Variants in ELOVL4 observed in about 807,000 individuals in gnomAD.
ELOVL4 encodes ELOVL fatty acid elongase 4, also known as very long chain fatty acid elongase 4.
A neutral mutation model predicts 42.1 loss-of-function variants in ELOVL4; 18 were observed. That is an observed-to-expected ratio of 0.43 (90% CI 0.30 to 0.63). ELOVL4 has a LOEUF of 0.63. Among genes scored for constraint, ELOVL4 ranks in the 30% least tolerant of loss-of-function variants. The pLI is 0.15. For missense variants in ELOVL4, 299 were observed against 376.2 expected (o/e 0.79, Z 1.70); for synonymous variants, 117 against 127.0 (o/e 0.92, Z 0.53).
Position 79,947,504 on chromosome 6 carries a change from A to T in ELOVL4, c.-225T>A. On this transcript the variant is annotated 5_prime_UTR_variant, in exon 1 of 6. Transcript: ENST00000369816. ...CGTCAAGGTTCCCGGGAGAAAGACG[A>T]GGAGGTGGAGGAGGCCCAGCCGCCA... 1.8e-6 allele frequency: 1 copy of T among 562,538 alleles called. No individual in the cohort carries two copies. Among genetic ancestry groups the T allele is most frequent in the Admixed American group, 2.9e-5 (1 of 33,952 alleles). The allele number at this position is 562,538 out of a possible 1,614,324, so 34.8% of individuals were successfully genotyped here. A position where few individuals can be genotyped will look rare whatever the true frequency, so the allele number is the denominator to read the frequency against.
rs978619635 is a variant in ELOVL4, at chr6:79,916,751, G to T, written c.802C>A (p.Arg268=). 3.7e-5 allele frequency: 59 copies of T among 1,613,916 alleles called. No homozygotes were observed. The highest frequency in any genetic ancestry group is 4.9e-5 in the Non-Finnish European group (58 of 1,180,022). ...FIFLFLNFYI[R]TYKEPKKPKA... ...GGTTTCTTAGGCTCTTTGTATGTCC[G>T]AATGTAGAAGTTAAGAAAGAGAAAT... Residue 268 remains arginine, a synonymous_variant, in exon 6 of 6, where the codon CGG becomes AGG. Transcript: ENST00000369816.
At chr6:79,930,662 A>G (rs1774428168) in intron 1 of ELOVL4, among the ~76,000 whole-genome samples, 1 of 152,178 alleles carries the variant, frequency 6.6e-6, no homozygotes, top group East Asian at 1.9e-4. Flanking sequence ...TTTTAAACCA[A>G]AAAAAGGTTG....
chr6:79,923,053 G>GA (rs1169187817), intron 3 of ELOVL4, among the ~76,000 whole-genome samples: 2 of 152,012 alleles, frequency 1.3e-5, no homozygotes, highest in Non-Finnish European at 2.9e-5. Context: ...TAACTAGAAG[G>GA]AAAGATACAA....
chr6:79,934,927 G>A (rs1428978869), intron 1 of ELOVL4, among the ~76,000 whole-genome samples: 3 of 152,010 alleles, frequency 2.0e-5, no homozygotes, highest in African/African-American at 7.2e-5. Context: ...AAACTTAGAA[G>A]AGTTTACACT....
chr6:79,942,073 G>A (rs1774656625), intron 1 of ELOVL4, among the ~76,000 whole-genome samples: 1 of 152,316 alleles, frequency 6.6e-6, no homozygotes, highest in South Asian at 2.1e-4. Context: ...GGTATCTGGA[G>A]AGGTAAACAG....
At position 79,921,459 on chromosome 6, in the gene ELOVL4, C is replaced by CAAAAAAAAAAAAAA. The variant is rs1168483827; in HGVS notation, c.541+152_541+165dup. 7.8e-4 allele frequency among the ~76,000 whole-genome samples: 33 copies of CAAAAAAAAAAAAAA among 42,372 alleles called. 2 individuals are homozygous for CAAAAAAAAAAAAAA. Among genetic ancestry groups the CAAAAAAAAAAAAAA allele is most frequent in the Non-Finnish European group, 1.0e-3 (24 of 23,738 alleles). The allele number at this position is 42,372 out of a possible 152,430, so 27.8% of individuals were successfully genotyped here. ...CTGGTGACAGAGCGAGACTCCATCT[C>CAAAAAAAAAAAAAA]AAAAAAAAAAAAAAAAAAAAAAAAA... On this transcript the variant is annotated intron_variant, in intron 4 of 5. Transcript: ENST00000369816.
At chr6:79,920,445 C>A (rs1774234069) in intron 4 of ELOVL4, among the ~76,000 whole-genome samples, 1 of 152,090 alleles carries the variant, frequency 6.6e-6, no homozygotes, top group Non-Finnish European at 1.5e-5. Flanking sequence ...GAATAAGAAC[C>A]AACAAGACCT....
Position 79,916,579 on chromosome 6 carries a change from T to C in ELOVL4, c.*29A>G. ...ATATGATATGGGAGTTTTTCCTCACTGTCAACAACAGTTAAGGCCCAGTTC... is the reference window on the plus strand; with the variant it reads ...ATATGATATGGGAGTTTTTCCTCACCGTCAACAACAGTTAAGGCCCAGTTC... On this transcript the variant is annotated 3_prime_UTR_variant, in exon 6 of 6. Coordinates refer to ENST00000369816, the MANE Select transcript of ELOVL4 (RefSeq NM_022726.4). 1 of 1,612,678 alleles carries C rather than the reference T, an allele frequency of 6.2e-7. No homozygotes were observed. The highest frequency in any genetic ancestry group is 8.5e-7 in the Non-Finnish European group (1 of 1,179,926).
intron 1 of ELOVL4, among the ~76,000 whole-genome samples, chr6:79,939,788 A>G (rs1774615703): frequency 6.6e-6 from 1 of 152,152 alleles, no homozygotes; most frequent in South Asian, 2.1e-4. Context: ...TATAGGCATG[A>G]GCCACTGGGC....
chr6:79,947,337 A>T lies in ELOVL4; in HGVS notation c.-58T>A. On this transcript the variant is annotated 5_prime_UTR_variant, in exon 1 of 6. Transcript: ENST00000369816. ...AAGCGGAGACCCAGAGAGAGGGCTG[A>T]CCCCGGAGGCGGTGGCGGCCGACGG... The T allele has an allele frequency of 2.1e-6, 3 of 1,400,440 alleles. No homozygotes were observed. The highest frequency in any genetic ancestry group is 3.0e-6 in the Non-Finnish European group (3 of 1,005,114). 86.8% of individuals were successfully genotyped at this position (1,400,440 alleles called of 1,614,324 possible).
rs1398163 is a variant in ELOVL4 at position 79,924,752 on chromosome 6, T to C, written c.369+200A>G. Reference sequence around the variant, plus strand: ...TGGGAGGCTGAGGCAGAAGGATCAATTGAGCCCAGGAGTTTGAGGCTGCAG... The same window carrying C: ...TGGGAGGCTGAGGCAGAAGGATCAACTGAGCCCAGGAGTTTGAGGCTGCAG... On this transcript the variant is annotated intron_variant, in intron 3 of 5. Transcript: ENST00000369816. 0.16 allele frequency among the ~76,000 whole-genome samples: 24,390 copies of C among 152,084 alleles called. 2,234 individuals carry two copies. Among genetic ancestry groups the C allele is most frequent in the South Asian group, 0.36 (1,713 of 4,806 alleles).
At chr6:79,926,832 C>T (rs933073816) in intron 1 of ELOVL4, among the ~76,000 whole-genome samples, 2 of 152,120 alleles carry the variant, frequency 1.3e-5, no homozygotes, top group African/African-American at 2.4e-5. Context: ...TGGAGAGGTA[C>T]GTACGGGGCG....
At chr6:79,934,554 T>A (rs1052117436) in intron 1 of ELOVL4, among the ~76,000 whole-genome samples, 1 of 152,196 alleles carries the variant, frequency 6.6e-6, no homozygotes, top group South Asian at 2.1e-4. Context: ...GTATGTCTCA[T>A]GTCAGAGATA....
At chr6:79,939,424 A>G (rs924405172) in intron 1 of ELOVL4, among the ~76,000 whole-genome samples, 3 of 152,098 alleles carry the variant, frequency 2.0e-5, no homozygotes, top group Non-Finnish European at 4.4e-5. Flanking sequence ...CTCTATACCT[A>G]TTAAACAAGT....
chr6:79,935,150 G>A (rs995921031), intron 1 of ELOVL4, among the ~76,000 whole-genome samples: 122 of 151,930 alleles, frequency 8.0e-4, no homozygotes, highest in African/African-American at 2.9e-3. Flanking sequence ...ACTAACCCAG[G>A]TAACTTCTAC....
rs539142746 is a variant in ELOVL4 at position 79,947,531 on chromosome 6, C to T, written c.-252G>A. ...GAGGTGGAGGAGGCCCAGCCGCCAG[C>T]ACAGTGCGCTGCACCAGTCTGCAGC... On this transcript the variant is annotated 5_prime_UTR_variant, in exon 1 of 6. Transcript: ENST00000369816. 1.3e-3 allele frequency: 704 copies of T among 524,514 alleles called. 2 individuals are homozygous for T. The highest frequency in any genetic ancestry group is 2.2e-3 in the Non-Finnish European group (644 of 291,134). 32.5% of individuals were successfully genotyped at this position (524,514 alleles called of 1,614,324 possible). A position where few individuals can be genotyped will look rare whatever the true frequency, so the allele number is the denominator to read the frequency against.
At chr6:79,935,106 A>G (rs1315703861) in intron 1 of ELOVL4, among the ~76,000 whole-genome samples, 1 of 152,170 alleles carries the variant, frequency 6.6e-6, no homozygotes, top group Non-Finnish European at 1.5e-5. Context: ...AGATTTTAAT[A>G]AATAATAAAA....
At chr6:79,932,058 T>C (rs778122422) in intron 1 of ELOVL4, among the ~76,000 whole-genome samples, 2 of 152,212 alleles carry the variant, frequency 1.3e-5, no homozygotes, top group Non-Finnish European at 2.9e-5. Context: ...AAATAGTTTG[T>C]AATGAAAATA....
intron 2 of ELOVL4, 73 bp downstream of exon 2, chr6:79,926,121 A>G: frequency 7.6e-7 from 1 of 1,314,260 alleles, no homozygotes. Context: ...TATTACAATG[A>G]TGGTTTTACA....
Sources: gnomAD v4.1 joint callset for allele counts (sites outside exome capture counted in the v4.1 genomes callset) on GRCh38, gnomAD v4.1.1 for gene constraint, MANE v1.5 for transcripts, NCBI Gene and HGNC (gene_info 2026-07-23, HGNC 2026-07-21) for gene names.